PPIP5K2: variants seen among roughly 807,000 people sequenced by gnomAD.
The protein encoded by PPIP5K2 is inositol hexakisphosphate and diphosphoinositol-pentakisphosphate kinase 2.
Under a neutral mutation model 154.6 loss-of-function variants are expected in PPIP5K2, and 105 were observed. That is an observed-to-expected ratio of 0.68 (90% CI 0.58 to 0.80). The LOEUF (loss-of-function observed/expected upper bound fraction) is 0.80, where lower values mean the gene tolerates loss of function less well. Ranked by LOEUF, PPIP5K2 falls within the 30% of genes least tolerant of loss-of-function variation. The pLI, the probability that PPIP5K2 is intolerant of heterozygous loss-of-function variation, is 0.00. For missense variants in PPIP5K2, 992 were observed against 1,504.6 expected, an observed-to-expected ratio of 0.66 and a Z score of 5.64; for synonymous variants, 480 against 490.3, an observed-to-expected ratio of 0.98 and a Z score of 0.28.
chr5:103,165,941 A>G (rs1797058643), intron 17 of PPIP5K2, among the ~76,000 whole-genome samples: 1 of 152,082 alleles, frequency 6.6e-6, no homozygotes, highest in South Asian at 2.1e-4. Context: ...GAGTGCCAGA[A>G]CCATTGTGCT....
chr5:103,196,711 T>A (rs1018654136), intron 30 of PPIP5K2, among the ~76,000 whole-genome samples: 1 of 152,178 alleles, frequency 6.6e-6, no homozygotes, highest in African/African-American at 2.4e-5. Context: ...TATACATTTT[T>A]AAGTAATAAA....
At chr5:103,176,821 T>C in intron 21 of PPIP5K2, 2 of 1,173,036 alleles carry the variant, frequency 1.7e-6, no homozygotes, top group Non-Finnish European at 2.4e-6. Flanking sequence ...ACATGTTCTC[T>C]AAGATCCTTT....
chr5:103,136,526 T>G (rs1051453395), intron 3 of PPIP5K2, among the ~76,000 whole-genome samples: 4 of 152,178 alleles, frequency 2.6e-5, no homozygotes, highest in Non-Finnish European at 4.4e-5. Context: ...ACCACTGGTT[T>G]GTTGTGCCTT....
At chr5:103,147,215 A>G (rs1160061398) in intron 6 of PPIP5K2, among the ~76,000 whole-genome samples, 2 of 151,984 alleles carry the variant, frequency 1.3e-5, no homozygotes, top group African/African-American at 4.8e-5. Flanking sequence ...ATAATTTAGC[A>G]ATGTATCAGA....
At chr5:103,194,382 G>T (rs1318448032) in intron 29 of PPIP5K2, among the ~76,000 whole-genome samples, 1 of 152,090 alleles carries the variant, frequency 6.6e-6, no homozygotes, top group Non-Finnish European at 1.5e-5. Context: ...TTGAACTCCT[G>T]GGGTCAAGCG....
chr5:103,129,669 A>G lies in PPIP5K2; in HGVS notation c.80A>G (p.His27Arg). 1.2e-6 allele frequency: 2 copies of G among 1,609,102 alleles called. No individual in the cohort carries two copies. The highest frequency in any genetic ancestry group is 1.7e-4 in the Middle Eastern group (1 of 6,044). ...GGAAATTATCGACATTTCTTCCACCATGCAGATGAAGACGATGAGGAGGAA... is the reference window on the plus strand; with the variant it reads ...GGAAATTATCGACATTTCTTCCACCGTGCAGATGAAGACGATGAGGAGGAA... ...NPGNYRHFFH[H>R]ADEDDEEEDD... The change falls in exon 2 of 31, where the codon CAT (histidine) becomes CGT (arginine). Residue 27 changes from histidine to arginine, a missense_variant. Around this residue, in one of 9 missense-constraint regions of PPIP5K2, gnomAD observed 153 missense variants for 200.4 expected, o/e 0.76. Coordinates refer to ENST00000358359, the MANE Select transcript of PPIP5K2 (RefSeq NM_001276277.3).
chr5:103,170,513 G>C (rs1797817620), intron 19 of PPIP5K2, among the ~76,000 whole-genome samples: 1 of 151,414 alleles, frequency 6.6e-6, no homozygotes, highest in Non-Finnish European at 1.5e-5. Context: ...TCTATTTTTG[G>C]TAAATTCATA....
intron 23 of PPIP5K2, among the ~76,000 whole-genome samples, chr5:103,178,813 G>T (rs1799097134): frequency 6.6e-6 from 1 of 151,304 alleles, no homozygotes; most frequent in Non-Finnish European, 1.5e-5. Context: ...AATTACTTTT[G>T]CACCAAATAA....
chr5:103,158,261 C>T lies in PPIP5K2; in HGVS notation c.1563C>T (p.Val521=), dbSNP rs781853182. The T allele has an allele frequency of 1.2e-6, 2 of 1,614,044 alleles. No individual in the cohort carries two copies. Among genetic ancestry groups the T allele is most frequent in the East Asian group, 4.5e-5 (2 of 44,854 alleles). The part of the protein sequence containing the change: ...WGGELTPAGR[V]QAEELGRAFR... ...GTGAATTAACTCCTGCAGGCAGGGT[C>T]CAGGCTGAAGAACTTGGAAGAGCCT... The change falls in exon 15 of 31, where the codon GTC becomes GTT. Residue 521 remains valine (V), a synonymous_variant. Transcript: ENST00000358359.
chr5:103,158,064 A>C (rs1554214173), intron 14 of PPIP5K2, 124 bp from the exon 15 acceptor site: 1 of 1,051,726 alleles, frequency 9.5e-7, no homozygotes, highest in East Asian at 2.6e-5. Flanking sequence ...GCATTTAAGG[A>C]AGAAAATATC....
chr5:103,155,404 GTCTTTTTTTTTTTTTTTTT>G (rs1562426836), intron 13 of PPIP5K2, among the ~76,000 whole-genome samples: 1 of 23,896 alleles, frequency 4.2e-5, no homozygotes, highest in African/African-American at 9.9e-5. Flanking sequence ...CTTCAGAGTT[GTCTTTTTTTTTTTTTTTTT>G]TTTTTTTTTT....
At chr5:103,179,905 G>A (rs1012724533) in intron 23 of PPIP5K2, 116 bp from the exon 24 acceptor site, 6 of 814,778 alleles carry the variant, frequency 7.4e-6, no homozygotes, top group Non-Finnish European at 1.1e-5. Flanking sequence ...ATTCATCTGA[G>A]TAAACAAACT....
In PPIP5K2 at chr5:103,124,278, C is replaced by CAAAA. The variant is rs71226931; in HGVS notation, c.-285+3803_-285+3806dup. Among the ~76,000 whole-genome samples the CAAAA allele has an allele frequency of 9.1e-4, 116 of 126,826 alleles. 2 individuals are homozygous for CAAAA. The highest frequency in any genetic ancestry group is 5.6e-3 in the East Asian group (24 of 4,324). The allele number at this position is 126,826 out of a possible 152,430, so 83.2% of individuals were successfully genotyped here. ...CTGGGGACAGAGCGAGACTCCATCT[C>CAAAA]AAAAAAAAAAAAAAAATCTCCTCTT... is the stretch of plus-strand genomic sequence containing the variant. On this transcript the variant is annotated intron_variant, in intron 1 of 30. Coordinates refer to ENST00000358359, the MANE Select transcript of PPIP5K2 (RefSeq NM_001276277.3).
chr5:103,163,029 G>C (rs927182266), intron 17 of PPIP5K2, among the ~76,000 whole-genome samples: 9 of 141,080 alleles, frequency 6.4e-5, no homozygotes, highest in Non-Finnish European at 1.2e-4. Flanking sequence ...TCTGTTTGTT[G>C]ATCCGTGTGC....
intron 23 of PPIP5K2, among the ~76,000 whole-genome samples, chr5:103,178,298 C>T (rs371726485): frequency 1.2e-3 from 182 of 151,912 alleles, no homozygotes; most frequent in Admixed American, 3.1e-3. Flanking sequence ...TTGTTGTCTT[C>T]GCTCTATGAA....
At chr5:103,133,017 A>G (rs1790892835) in intron 2 of PPIP5K2, among the ~76,000 whole-genome samples, 1 of 152,238 alleles carries the variant, frequency 6.6e-6, no homozygotes, top group Non-Finnish European at 1.5e-5. Context: ...AGTGCAAACT[A>G]CAATAATAGT....
chr5:103,144,805 A>G (rs929361818), intron 5 of PPIP5K2, among the ~76,000 whole-genome samples: 2 of 152,180 alleles, frequency 1.3e-5, no homozygotes, highest in Non-Finnish European at 2.9e-5. Flanking sequence ...AAGCTATGCA[A>G]CTACTAAAAG....
chr5:103,186,353 T>C lies in PPIP5K2; in HGVS notation c.3203T>C (p.Val1068Ala). 6.2e-7 allele frequency: 1 copy of C among 1,613,896 alleles called. No individual in the cohort carries two copies. Among genetic ancestry groups the C allele is most frequent in the African/African-American group, 1.3e-5 (1 of 75,012 alleles). Residue 1068 changes from valine to alanine, a missense_variant, in exon 27 of 31, where the codon GTG becomes GCG. Val to Ala is a moderately conservative substitution (Grantham distance 64). Coordinates refer to ENST00000358359, the MANE Select transcript of PPIP5K2 (RefSeq NM_001276277.3). ...SHCAGLFSTS[V>A]LGGSSSAPNL... The stretch of plus-strand genomic sequence containing the variant: ...TGTGCGGGCCTGTTTAGCACCTCGG[T>C]GCTCGGGGGTTCTTCAAGCGCACCT...
In PPIP5K2 at chr5:103,147,993, A is replaced by G. The variant is rs781794858; in HGVS notation, c.705A>G (p.Ile235Met). ...ESNVRKTGSY[I>M]YEEFMPTDGT... The stretch of plus-strand genomic sequence containing the variant: ...ATGTACGAAAAACAGGCTCATATAT[A>G]TATGAAGAGTTTATGCCCACAGATG... The change falls in exon 7 of 31, where the codon ATA (isoleucine) becomes ATG (methionine). Residue 235 changes from isoleucine to methionine, a missense_variant. Around this residue, in one of 9 missense-constraint regions of PPIP5K2, gnomAD observed 51 missense variants for 152.2 expected, o/e 0.33. Transcript: ENST00000358359. 2 of 1,602,414 alleles carry G rather than the reference A, an allele frequency of 1.2e-6. No individual in the cohort carries two copies. Among genetic ancestry groups the G allele is most frequent in the South Asian group, 1.1e-5 (1 of 88,920 alleles).
Sources: allele counts gnomAD v4.1 joint callset (sites outside exome capture counted in the v4.1 genomes callset), GRCh38; gene constraint gnomAD v4.1.1; regional missense constraint gnomAD v4.1.1; transcripts MANE v1.5; gene names NCBI Gene and HGNC (gene_info 2026-07-23, HGNC 2026-07-21).